The following SNTG1 variants were observed in gnomAD, a reference collection of about 807,000 sequenced individuals.
The protein encoded by SNTG1 is syntrophin gamma 1.
SNTG1 carries 39 observed loss-of-function variants against 74.7 expected under a neutral mutation model. The ratio of observed to expected loss-of-function variants is 0.52; its 90% CI spans 0.40 to 0.68. The LOEUF is 0.68. Ranked by LOEUF, SNTG1 falls within the 30% of genes least tolerant of loss-of-function variation. The pLI, the probability that SNTG1 is intolerant of heterozygous loss-of-function variation, is 0.00. For synonymous variants in SNTG1, 254 were observed against 217.1 expected (o/e 1.17, Z -1.49); for missense variants, 685 against 609.5 (o/e 1.12, Z -1.30).
At position 49,923,324 on chromosome 8, in the gene SNTG1, G is replaced by T. The variant is rs578108136; in HGVS notation, c.-103+11093G>T. Reference sequence around the variant, plus strand: ...TCTTTATTTCTGTGAAACATTTTTGGGAGGGGAAAATATGGATAAAATAGG... The same window carrying T: ...TCTTTATTTCTGTGAAACATTTTTGTGAGGGGAAAATATGGATAAAATAGG... On this transcript the variant is annotated intron_variant, in intron 1 of 18. Coordinates refer to ENST00000642720, the MANE Select transcript of SNTG1 (RefSeq NM_018967.5). Among the ~76,000 whole-genome samples the T allele has an allele frequency of 3.9e-5, 6 of 152,086 alleles. No homozygotes were observed. The East Asian group carries it at 1.2e-3, about 29-fold the overall frequency.
intron 4 of SNTG1, among the ~76,000 whole-genome samples, chr8:50,428,380 G>T (rs1414692607): frequency 6.6e-6 from 1 of 152,120 alleles, no homozygotes; most frequent in African/African-American, 2.4e-5. Flanking sequence ...CCTAGTTCCT[G>T]CATTTCAATC....
chr8:50,149,397 T>C (rs2081985519), intron 1 of SNTG1, among the ~76,000 whole-genome samples: 2 of 152,336 alleles, frequency 1.3e-5, no homozygotes, highest in African/African-American at 4.8e-5. Flanking sequence ...TTAGTTTGAT[T>C]AGATCCCATT....
chr8:50,000,514 G>A (rs1012437507), intron 1 of SNTG1, among the ~76,000 whole-genome samples: 1 of 152,012 alleles, frequency 6.6e-6, no homozygotes, highest in Non-Finnish European at 1.5e-5. Context: ...ACAATGTAAA[G>A]GGTGTTTAAA....
chr8:49,992,809 A>G (rs318866), intron 1 of SNTG1, among the ~76,000 whole-genome samples: 145,031 of 152,246 alleles, frequency 0.95, 69,159 homozygotes, highest in East Asian at 1. Context: ...TTAATTTATA[A>G]AAATAGTTCA....
At chr8:50,594,263 G>A (rs1056117844) in intron 13 of SNTG1, among the ~76,000 whole-genome samples, 10 of 152,074 alleles carry the variant, frequency 6.6e-5, no homozygotes, top group African/African-American at 2.4e-4. Context: ...TTTATTATGT[G>A]TGTCATTTTT....
intron 15 of SNTG1, among the ~76,000 whole-genome samples, chr8:50,673,244 T>C (rs752514085): frequency 6.6e-5 from 10 of 152,308 alleles, no homozygotes; most frequent in South Asian, 2.1e-4. Context: ...GGGAATAGCA[T>C]TGAATCTATA....
rs147675709 is a variant in SNTG1, at chr8:50,659,032, A to G, written c.1038+369A>G. Among the ~76,000 whole-genome samples, 462 of 152,232 alleles carry G rather than the reference A, an allele frequency of 3.0e-3. 3 individuals are homozygous for G. Among genetic ancestry groups the G allele is most frequent in the African/African-American group, 0.011 (445 of 41,554 alleles). On this transcript the variant is annotated intron_variant, in intron 15 of 18. Coordinates refer to ENST00000642720, the MANE Select transcript of SNTG1 (RefSeq NM_018967.5). ...TTTTAATTCTTTTTTTCTGAATAAA[A>G]TGCAAAAGAGAAAGATTTGGGTGAG...
intron 1 of SNTG1, among the ~76,000 whole-genome samples, chr8:49,971,455 A>G (rs1009429439): frequency 6.6e-6 from 1 of 152,172 alleles, no homozygotes; most frequent in African/African-American, 2.4e-5. Flanking sequence ...CAAAACTGGC[A>G]CAAGACAGAT....
intron 1 of SNTG1, among the ~76,000 whole-genome samples, chr8:50,169,187 CA>C (rs2082725837): frequency 6.6e-6 from 1 of 152,080 alleles, no homozygotes; most frequent in South Asian, 2.1e-4. Flanking sequence ...ACAATAATTT[CA>C]ATGAATAATT....
chr8:50,455,583 G>T (rs2093497433), intron 8 of SNTG1, among the ~76,000 whole-genome samples: 1 of 152,122 alleles, frequency 6.6e-6, no homozygotes, highest in South Asian at 2.1e-4. Context: ...CTGGCTAATA[G>T]CATTTTGCTT....
At chr8:49,937,456 T>G (rs920742627) in intron 1 of SNTG1, among the ~76,000 whole-genome samples, 1 of 152,226 alleles carries the variant, frequency 6.6e-6, no homozygotes, top group African/African-American at 2.4e-5. Flanking sequence ...ATTATCTCCA[T>G]AAAGCTGTTA....
chr8:50,054,774 C>A (rs996957682), intron 1 of SNTG1, among the ~76,000 whole-genome samples: 3 of 152,060 alleles, frequency 2.0e-5, no homozygotes, highest in African/African-American at 4.8e-5. Flanking sequence ...TGGGTCCAAG[C>A]CATTTTCTGA....
chr8:50,793,933 A>G lies in SNTG1; in HGVS notation c.*1104A>G, dbSNP rs1288014448. ...GGAAAGTGATTAAGTAATGCCAACT[A>G]TGCAGGTTGTTTTAGGTATTTTGTC... On this transcript the variant is annotated 3_prime_UTR_variant, in exon 19 of 19. Transcript: ENST00000642720. 3 of 151,894 alleles carry G rather than the reference A, an allele frequency of 2.0e-5. No homozygotes were observed. Among genetic ancestry groups the G allele is most frequent in the Non-Finnish European group, 4.4e-5 (3 of 67,886 alleles). 9.4% of individuals were successfully genotyped at this position (151,894 alleles called of 1,614,324 possible).
At chr8:50,323,520 T>A (rs184528633) in intron 2 of SNTG1, among the ~76,000 whole-genome samples, 109 of 152,328 alleles carry the variant, frequency 7.2e-4, no homozygotes, top group Admixed American at 6.5e-3. Context: ...AGCCAAATAA[T>A]GCTGTTGATT....
chr8:50,707,378 C>T (rs193221712), intron 16 of SNTG1, among the ~76,000 whole-genome samples: 1 of 151,928 alleles, frequency 6.6e-6, no homozygotes, highest in Non-Finnish European at 1.5e-5. Context: ...TGTAAGCATG[C>T]ACAATGCTTA....
In SNTG1 at chr8:49,987,162, G is replaced by A. The variant is rs192193761; in HGVS notation, c.-103+74931G>A. Among the ~76,000 whole-genome samples, 6 of 152,264 alleles carry A rather than the reference G, an allele frequency of 3.9e-5. No homozygotes were observed. The East Asian group carries it at 5.8e-4, about 15-fold the overall frequency. On this transcript the variant is annotated intron_variant, in intron 1 of 18. Coordinates refer to ENST00000642720, the MANE Select transcript of SNTG1 (RefSeq NM_018967.5). ...TGAAGTGTCATACTGGACCCCAGGA[G>A]GGGGGAGTCATATCTAAGCAGATGG...
rs148245672 is a variant in SNTG1, at chr8:50,609,160, A to G, written c.849+18243A>G. On this transcript the variant is annotated intron_variant, in intron 13 of 18. Coordinates refer to ENST00000642720, the MANE Select transcript of SNTG1 (RefSeq NM_018967.5). ...TATCCTTTTCTTTCCTGTGAATACA[A>G]GTTACTGCCTGGCATTAGTTTTCGT... Among the ~76,000 whole-genome samples the G allele has an allele frequency of 8.2e-3, 1,246 of 152,156 alleles. 8 individuals carry two copies. The highest frequency in any genetic ancestry group is 0.011 in the Non-Finnish European group (726 of 67,892).
At chr8:50,006,748 C>T (rs1815280088) in intron 1 of SNTG1, among the ~76,000 whole-genome samples, 1 of 152,154 alleles carries the variant, frequency 6.6e-6, no homozygotes, top group South Asian at 2.1e-4. Flanking sequence ...CTATGCAGGC[C>T]AGGTTGCTGG....
chr8:50,423,299 C>T (rs1428369661), intron 4 of SNTG1, among the ~76,000 whole-genome samples: 1 of 152,134 alleles, frequency 6.6e-6, no homozygotes, highest in Non-Finnish European at 1.5e-5. Flanking sequence ...GCATGTAAAA[C>T]AGTGCTTAGT....
Sources: allele counts gnomAD v4.1 joint callset (sites outside exome capture counted in the v4.1 genomes callset), GRCh38; gene constraint gnomAD v4.1.1; transcripts MANE v1.5; gene names NCBI Gene and HGNC (gene_info 2026-07-23, HGNC 2026-07-21).